The following ANK3 variants were observed in gnomAD, a reference collection of about 807,000 sequenced individuals.
ANK3 encodes ankyrin-3.
In ANK3, 57 loss-of-function variants were observed where a neutral mutation model predicts 370.9. The observed-to-expected ratio is 0.15, with a 90% CI of 0.12 to 0.19. The LOEUF is 0.19. Ranked by LOEUF, ANK3 falls within the 10% of genes least tolerant of loss-of-function variation. ANK3 has a pLI of 1.00. For synonymous variants in ANK3, 1,929 were observed against 1,946.3 expected (o/e 0.99, Z 0.23); for missense variants, 4,439 against 5,302.1 (o/e 0.84, Z 5.06).
chr10:60,171,283 T>G (rs1478468260), intron 21 of ANK3, among the ~76,000 whole-genome samples: 1 of 152,232 alleles, frequency 6.6e-6, no homozygotes, highest in Non-Finnish European at 1.5e-5. Context: ...TACAAAATTT[T>G]TCTCCCGTAA....
intron 2 of ANK3, among the ~76,000 whole-genome samples, chr10:60,561,446 T>C (rs897184579): frequency 6.6e-6 from 1 of 152,190 alleles, no homozygotes; most frequent in Non-Finnish European, 1.5e-5. Context: ...CTCACGTACA[T>C]AAGGCACAGT....
chr10:60,403,977 A>T (rs1044914356), intron 2 of ANK3, among the ~76,000 whole-genome samples: 2 of 152,214 alleles, frequency 1.3e-5, no homozygotes, highest in Non-Finnish European at 2.9e-5. Context: ...AATCGAATTT[A>T]AAAAAAGAAC....
chr10:60,288,856 C>G (rs72822227), intron 1 of ANK3, among the ~76,000 whole-genome samples: 2,457 of 151,000 alleles, frequency 0.016, 26 homozygotes, highest in Non-Finnish European at 0.024. Context: ...GTTGTCAACC[C>G]CACCGTGCCT....
At chr10:60,258,333 G>A (rs2097764115) in intron 7 of ANK3, among the ~76,000 whole-genome samples, 1 of 152,148 alleles carries the variant, frequency 6.6e-6, no homozygotes, top group Non-Finnish European at 1.5e-5. Flanking sequence ...GATCTCCAAG[G>A]ATAATCCAAA....
chr10:60,176,071 G>A (rs903420497), intron 18 of ANK3, among the ~76,000 whole-genome samples: 8 of 151,598 alleles, frequency 5.3e-5, no homozygotes, highest in Non-Finnish European at 8.8e-5. Context: ...GGTGGCTCAC[G>A]CCTGTACTCC....
exon 1 of ANK3, chr10:60,733,420 G>A: frequency 9.2e-7 from 1 of 1,089,096 alleles, no homozygotes; most frequent in Non-Finnish European, 1.2e-6. Context: ...GAAAAAGTTC[G>A]GCCGCGGCTC....
chr10:60,210,963 G>A (rs372179087), intron 9 of ANK3, among the ~76,000 whole-genome samples: 10 of 152,120 alleles, frequency 6.6e-5, no homozygotes, highest in East Asian at 3.9e-4. Context: ...ATTTCAAGCC[G>A]TCCATCTGAT....
At chr10:60,303,146 G>A (rs929137464) in intron 1 of ANK3, among the ~76,000 whole-genome samples, 2 of 152,082 alleles carry the variant, frequency 1.3e-5, no homozygotes, top group Non-Finnish European at 2.9e-5. Flanking sequence ...ACATTGATCT[G>A]GGCAATGATT....
intron 1 of ANK3, among the ~76,000 whole-genome samples, chr10:60,723,118 G>T (rs2079888188): frequency 6.6e-6 from 1 of 152,152 alleles, no homozygotes; most frequent in Non-Finnish European, 1.5e-5. Flanking sequence ...TAAGCAATTT[G>T]AATTAATTAC....
intron 1 of ANK3, among the ~76,000 whole-genome samples, chr10:60,335,830 C>T (rs1292532167): frequency 6.6e-6 from 1 of 152,018 alleles, no homozygotes; most frequent in Non-Finnish European, 1.5e-5. Flanking sequence ...TTATTATGCC[C>T]AATTTACCAA....
intron 2 of ANK3, among the ~76,000 whole-genome samples, chr10:60,430,653 AC>A (rs1369858735): frequency 6.6e-6 from 1 of 152,024 alleles, no homozygotes; most frequent in African/African-American, 2.4e-5. Context: ...GCTGTTTTTT[AC>A]CCCAGAGAAT....
intron 1 of ANK3, among the ~76,000 whole-genome samples, chr10:60,316,658 G>T (rs753398811): frequency 6.6e-6 from 1 of 152,094 alleles, no homozygotes; most frequent in Admixed American, 6.6e-5. Flanking sequence ...TTTTATAATT[G>T]TCCTTTTAGA....
intron 1 of ANK3, among the ~76,000 whole-genome samples, chr10:60,691,427 C>A (rs1021440759): frequency 6.6e-6 from 1 of 152,188 alleles, no homozygotes; most frequent in Non-Finnish European, 1.5e-5. Context: ...GAAACTCATT[C>A]ACGAGGGTTA....
intron 8 of ANK3, among the ~76,000 whole-genome samples, chr10:60,215,747 T>C (rs536057135): frequency 1.3e-5 from 2 of 152,314 alleles, no homozygotes; most frequent in African/African-American, 2.4e-5. Flanking sequence ...TTGGTTACTG[T>C]AGCCTTGTAG....
chr10:60,165,359 T>C (rs2095599907), intron 23 of ANK3, among the ~76,000 whole-genome samples: 1 of 152,180 alleles, frequency 6.6e-6, no homozygotes, highest in African/African-American at 2.4e-5. Context: ...ATAACAAATA[T>C]TATCCATTTG....
At position 60,208,138 on chromosome 10, in the gene ANK3, G is replaced by A. The variant is rs772080250; in HGVS notation, c.1092C>T (p.Thr364=). The A allele has an allele frequency of 2.5e-6, 4 of 1,613,944 alleles. No homozygotes were observed. The Admixed American group carries it at 5.0e-5, about 20-fold the overall frequency. The change falls in exon 10 of 44, where the codon ACC becomes ACT. Residue 364 remains threonine (T), a synonymous_variant. Coordinates refer to ENST00000280772, the MANE Select transcript of ANK3 (RefSeq NM_020987.5). ...CGTGTAGGGCAGTCAGGTAGTCATT[G>A]GTGACATCATCCACGGGTACATTAT... The part of the protein sequence containing the change: ...LQHNVPVDDV[T]NDYLTALHVA...
intron 4 of ANK3, among the ~76,000 whole-genome samples, chr10:60,278,094 T>A (rs2098116008): frequency 2.0e-5 from 3 of 152,184 alleles, no homozygotes; most frequent in East Asian, 1.9e-4. Context: ...CTCTTAGAAA[T>A]TCAATGAAAG....
At chr10:60,387,154 C>A (rs1199511487) in intron 1 of ANK3, among the ~76,000 whole-genome samples, 1 of 149,224 alleles carries the variant, frequency 6.7e-6, no homozygotes, top group Non-Finnish European at 1.5e-5. Flanking sequence ...GAGTGAGACT[C>A]CATCTCAAAA....
chr10:60,649,271 C>T (rs1304596994), intron 1 of ANK3, among the ~76,000 whole-genome samples: 1 of 151,426 alleles, frequency 6.6e-6, no homozygotes, highest in Non-Finnish European at 1.5e-5. Context: ...CACATCAACA[C>T]CAACTCCTAA....
Sources: gnomAD v4.1 joint callset for allele counts (sites outside exome capture counted in the v4.1 genomes callset) on GRCh38, gnomAD v4.1.1 for gene constraint, MANE v1.5 for transcripts, NCBI Gene and HGNC (gene_info 2026-07-23, HGNC 2026-07-21) for gene names.